The following DTNA variants were observed in gnomAD, a reference collection of about 807,000 sequenced individuals.
The protein encoded by DTNA is dystrobrevin alpha, also known as dystrophin-related protein 3.
DTNA carries 43 observed loss-of-function variants against 100.7 expected under a neutral mutation model. The observed-to-expected ratio is 0.43, with a 90% CI of 0.33 to 0.55. The LOEUF (loss-of-function observed/expected upper bound fraction) is 0.55, where lower values mean the gene tolerates loss of function less well. DTNA is among the 20% of genes least tolerant of loss of function. The pLI, the probability that DTNA is intolerant of heterozygous loss-of-function variation, is 0.04. For synonymous variants in DTNA, 349 were observed against 347.9 expected, an observed-to-expected ratio of 1.00 and a Z score of -0.04; for missense variants, 798 against 953.9, an observed-to-expected ratio of 0.84 and a Z score of 2.15.
At position 34,882,295 on chromosome 18, in the gene DTNA, T is replaced by C. The variant is rs2096880577; in HGVS notation, c.2295+94T>C. 3 of 1,518,874 alleles carry C rather than the reference T, an allele frequency of 2.0e-6. No individual in the cohort carries two copies. In the East Asian group the frequency reaches 7.2e-5, roughly 36 times the overall value. The allele number at this position is 1,518,874 out of a possible 1,614,324, so 94.1% of individuals were successfully genotyped here. A position where few individuals can be genotyped will look rare whatever the true frequency, so the allele number is the denominator to read the frequency against. ...ATGACTTGCAGAATCAGAGCCTTCT[T>C]CCTTCCACCCTCCCTTTTCAAAATA... On this transcript the variant is annotated intron_variant, in intron 21 of 22. Transcript: ENST00000444659.
intron 1 of DTNA, among the ~76,000 whole-genome samples, chr18:34,508,734 G>A (rs183869752): frequency 1.3e-5 from 2 of 152,046 alleles, no homozygotes; most frequent in Non-Finnish European, 2.9e-5. Context: ...GGGCATAATC[G>A]GTATTCACAT....
At chr18:34,649,346 CAAGT>C (rs772837284) in intron 1 of DTNA, among the ~76,000 whole-genome samples, 2 of 152,138 alleles carry the variant, frequency 1.3e-5, no homozygotes, top group Non-Finnish European at 2.9e-5. Flanking sequence ...TGCTATTGCA[CAAGT>C]AAGAATGCTG....
At chr18:34,884,086 A>G (rs1019134831) in intron 21 of DTNA, among the ~76,000 whole-genome samples, 1 of 152,142 alleles carries the variant, frequency 6.6e-6, no homozygotes, top group Non-Finnish European at 1.5e-5. Context: ...TGGCATTCCT[A>G]CACATATCTC....
intron 1 of DTNA, among the ~76,000 whole-genome samples, chr18:34,575,228 T>C (rs2048000386): frequency 6.6e-6 from 1 of 152,240 alleles, no homozygotes; most frequent in Non-Finnish European, 1.5e-5. Context: ...CATTTTCTGA[T>C]ACACTCTTGC....
intron 16 of DTNA, among the ~76,000 whole-genome samples, chr18:34,860,039 G>C (rs1482049932): frequency 8.6e-5 from 13 of 151,610 alleles, no homozygotes. Flanking sequence ...TTTTCTTTTT[G>C]TTTTTGTTTG....
At chr18:34,580,891 T>C (rs1315690221) in intron 1 of DTNA, among the ~76,000 whole-genome samples, 1 of 152,178 alleles carries the variant, frequency 6.6e-6, no homozygotes, top group African/African-American at 2.4e-5. Context: ...GCATGGATTC[T>C]CTCTGTGGTT....
chr18:34,675,828 A>G (rs1391478177), intron 1 of DTNA, among the ~76,000 whole-genome samples: 1 of 152,178 alleles, frequency 6.6e-6, no homozygotes, highest in Non-Finnish European at 1.5e-5. Flanking sequence ...CAGGCATACT[A>G]TGTGCCAGCC....
intron 17 of DTNA, chr18:34,866,168 G>C (rs201502860): frequency 6.2e-7 from 1 of 1,614,098 alleles, no homozygotes; most frequent in African/African-American, 1.3e-5. Flanking sequence ...TTAACTAACA[G>C]TGGAGGGGCC....
chr18:34,842,022 T>G (rs2096277471), intron 13 of DTNA, among the ~76,000 whole-genome samples: 1 of 152,144 alleles, frequency 6.6e-6, no homozygotes, highest in Non-Finnish European at 1.5e-5. Flanking sequence ...TTAAAAGCCT[T>G]AATAATTTGT....
intron 1 of DTNA, among the ~76,000 whole-genome samples, chr18:34,543,641 T>G (rs916739273): frequency 2.6e-5 from 4 of 152,070 alleles, no homozygotes; most frequent in Non-Finnish European, 5.9e-5. Context: ...ATATGAAAGG[T>G]CCTTCCACAA....
intron 17 of DTNA, among the ~76,000 whole-genome samples, chr18:34,872,315 G>T (rs1002937383): frequency 1.3e-5 from 2 of 152,156 alleles, no homozygotes; most frequent in African/African-American, 4.8e-5. Flanking sequence ...TCTTACAAAT[G>T]CTGCCTAGAG....
At chr18:34,556,348 T>A (rs2046046238) in intron 1 of DTNA, among the ~76,000 whole-genome samples, 1 of 152,206 alleles carries the variant, frequency 6.6e-6, no homozygotes, top group Non-Finnish European at 1.5e-5. Flanking sequence ...TGTCTTTTAA[T>A]TGGCACATTT....
chr18:34,572,029 A>G (rs951981689), intron 1 of DTNA, among the ~76,000 whole-genome samples: 8 of 152,244 alleles, frequency 5.3e-5, no homozygotes. Flanking sequence ...CCCTGACATC[A>G]TATCAAAATT....
At chr18:34,662,013 A>G (rs2075267863) in intron 1 of DTNA, among the ~76,000 whole-genome samples, 1 of 152,106 alleles carries the variant, frequency 6.6e-6, no homozygotes, top group Non-Finnish European at 1.5e-5. Flanking sequence ...TCTATAAACA[A>G]GGCACAAACT....
At chr18:34,818,494 T>A in intron 8 of DTNA, 164 bp downstream of exon 8, 2 of 1,513,384 alleles carry the variant, frequency 1.3e-6, no homozygotes, top group Non-Finnish European at 1.8e-6. Context: ...CTGCGTGCTC[T>A]TACTTATTCT....
chr18:34,509,496 T>A (rs920694045), intron 1 of DTNA, among the ~76,000 whole-genome samples: 2 of 152,074 alleles, frequency 1.3e-5, no homozygotes, highest in African/African-American at 2.4e-5. Context: ...CCTCCTCCTT[T>A]TAACCCAAAC....
At chr18:34,714,172 G>T (rs1600672761) in intron 1 of DTNA, among the ~76,000 whole-genome samples, 1 of 152,144 alleles carries the variant, frequency 6.6e-6, no homozygotes, top group African/African-American at 2.4e-5. Context: ...ATAGGCATGG[G>T]CAAGGACTTC....
intron 1 of DTNA, among the ~76,000 whole-genome samples, chr18:34,591,986 A>G (rs994573029): frequency 1.3e-5 from 2 of 152,214 alleles, no homozygotes; most frequent in African/African-American, 2.4e-5. Flanking sequence ...ATTCAAAACC[A>G]TCAACAAACA....
chr18:34,889,710 A>G lies in DTNA; in HGVS notation c.*1976A>G. ...GGGGATAAAGTGCTCAATTGGCATTAGTGAGAAGCCCATCCTATCCCTTGA... is the reference window on the plus strand; with the variant it reads ...GGGGATAAAGTGCTCAATTGGCATTGGTGAGAAGCCCATCCTATCCCTTGA... On this transcript the variant is annotated 3_prime_UTR_variant, in exon 23 of 23. Coordinates refer to ENST00000444659, the MANE Select transcript of DTNA (RefSeq NM_001386795.1). 12 of 985,952 alleles carry G rather than the reference A, an allele frequency of 1.2e-5. No homozygotes were observed. The highest frequency in any genetic ancestry group is 1.3e-5 in the Non-Finnish European group (11 of 830,028). The allele number at this position is 985,952 out of a possible 1,614,324, so 61.1% of individuals were successfully genotyped here.
Sources: allele counts gnomAD v4.1 joint callset (sites outside exome capture counted in the v4.1 genomes callset), GRCh38; gene constraint gnomAD v4.1.1; transcripts MANE v1.5; gene names NCBI Gene and HGNC (gene_info 2026-07-23, HGNC 2026-07-21).